Variants in ST6GALNAC3 observed in about 807,000 individuals in gnomAD.
ST6GALNAC3 encodes the protein alpha-N-acetylgalactosaminide alpha-2,6-sialyltransferase 3.
Under a neutral mutation model 32.7 loss-of-function variants are expected in ST6GALNAC3, and 25 were observed. The ratio of observed to expected loss-of-function variants is 0.76; its 90% CI spans 0.56 to 1.07. The LOEUF is 1.07. Ranked by LOEUF, ST6GALNAC3 falls within the 50% of genes least tolerant of loss-of-function variation. ST6GALNAC3 has a pLI of 0.00. For missense variants in ST6GALNAC3, 355 were observed against 382.4 expected (o/e 0.93, Z 0.60); for synonymous variants, 129 against 133.1 (o/e 0.97, Z 0.21).
At chr1:76,294,967 G>A (rs369851090) in intron 1 of ST6GALNAC3, among the ~76,000 whole-genome samples, 14 of 152,146 alleles carry the variant, frequency 9.2e-5, no homozygotes, top group African/African-American at 3.4e-4. Flanking sequence ...AGCTGAGCAG[G>A]GTAGAGCACT....
intron 1 of ST6GALNAC3, among the ~76,000 whole-genome samples, chr1:76,113,346 G>A (rs1361694939): frequency 7.0e-6 from 1 of 142,784 alleles, no homozygotes; most frequent in African/African-American, 2.8e-5. Context: ...GGGAGAGGGA[G>A]GGGGAGGGGG....
chr1:76,234,821 A>C, intron 1 of ST6GALNAC3, among the ~76,000 whole-genome samples: 1 of 152,202 alleles, frequency 6.6e-6, no homozygotes, highest in East Asian at 1.9e-4. Flanking sequence ...TTCCTCCCAA[A>C]GGGTCTATGG....
chr1:76,305,939 T>TAGTA (rs764198917), intron 1 of ST6GALNAC3: 9 of 517,714 alleles, frequency 1.7e-5, no homozygotes, highest in Non-Finnish European at 3.1e-5. Context: ...GTGTGTGAAT[T>TAGTA]AACTAAGTTG....
chr1:76,416,006 A>G (rs568870309), intron 3 of ST6GALNAC3, among the ~76,000 whole-genome samples: 30 of 150,538 alleles, frequency 2.0e-4, no homozygotes, highest in African/African-American at 7.3e-4. Context: ...AGAGATTTCA[A>G]TGTAATTATT....
At chr1:76,621,474 G>A (rs1339198099) in intron 3 of ST6GALNAC3, among the ~76,000 whole-genome samples, 1 of 152,062 alleles carries the variant, frequency 6.6e-6, no homozygotes, top group African/African-American at 2.4e-5. Flanking sequence ...GTTGCTGCCT[G>A]AAAATGTGCT....
intron 1 of ST6GALNAC3, among the ~76,000 whole-genome samples, chr1:76,212,633 C>T (rs1655233983): frequency 6.6e-6 from 1 of 152,116 alleles, no homozygotes; most frequent in Non-Finnish European, 1.5e-5. Context: ...ACTTCTACCA[C>T]ACAATATTGA....
At chr1:76,516,054 T>A (rs1344673652) in intron 3 of ST6GALNAC3, among the ~76,000 whole-genome samples, 1 of 152,210 alleles carries the variant, frequency 6.6e-6, no homozygotes, top group Non-Finnish European at 1.5e-5. Context: ...CCTTTAGAAC[T>A]AATAATACGT....
chr1:76,358,723 C>T (rs1427971934), intron 2 of ST6GALNAC3, among the ~76,000 whole-genome samples: 1 of 152,112 alleles, frequency 6.6e-6, no homozygotes, highest in Non-Finnish European at 1.5e-5. Flanking sequence ...TCTGTGCCAT[C>T]TCTAAACTCC....
intron 1 of ST6GALNAC3, among the ~76,000 whole-genome samples, chr1:76,087,110 TG>T (rs1158471486): frequency 6.6e-6 from 1 of 152,232 alleles, no homozygotes; most frequent in Non-Finnish European, 1.5e-5. Flanking sequence ...AATTCTGCCA[TG>T]CTGCTTAACC....
intron 3 of ST6GALNAC3, among the ~76,000 whole-genome samples, chr1:76,570,605 T>C (rs1242434786): frequency 5.9e-5 from 9 of 152,170 alleles, no homozygotes; most frequent in African/African-American, 2.4e-5. Flanking sequence ...TGATTCTTTA[T>C]ACTAACACAT....
chr1:76,167,635 TG>T (rs1652208596), intron 1 of ST6GALNAC3, among the ~76,000 whole-genome samples: 2 of 152,200 alleles, frequency 1.3e-5, no homozygotes, highest in South Asian at 4.1e-4. Flanking sequence ...TTTTATTGGT[TG>T]GTAGGCTATT....
chr1:76,162,971 G>A (rs886725484), intron 1 of ST6GALNAC3, among the ~76,000 whole-genome samples: 4 of 152,198 alleles, frequency 2.6e-5, no homozygotes, highest in Non-Finnish European at 4.4e-5. Context: ...GAGAGCATGC[G>A]CTCTGTTTTG....
At chr1:76,389,591 G>A (rs532205423) in intron 2 of ST6GALNAC3, among the ~76,000 whole-genome samples, 26 of 152,292 alleles carry the variant, frequency 1.7e-4, no homozygotes, top group Admixed American at 4.6e-4. Flanking sequence ...AAATCTGCAC[G>A]TTTAGTTTGA....
intron 2 of ST6GALNAC3, among the ~76,000 whole-genome samples, chr1:76,349,200 G>T (rs569112103): frequency 2.0e-5 from 3 of 152,078 alleles, no homozygotes; most frequent in Admixed American, 6.6e-5. Context: ...TGCTTGTTCA[G>T]CCTAGGTTCA....
chr1:76,238,688 T>A (rs1315175387), intron 1 of ST6GALNAC3, among the ~76,000 whole-genome samples: 1 of 152,034 alleles, frequency 6.6e-6, no homozygotes, highest in African/African-American at 2.4e-5. Flanking sequence ...GGGGCTTTTA[T>A]TAAAGCGAGG....
Position 76,509,111 on chromosome 1 carries a change from A to G in ST6GALNAC3, c.623+96694A>G, listed in dbSNP as rs559338533. On this transcript the variant is annotated intron_variant, in intron 3 of 4. Coordinates refer to ENST00000328299, the MANE Select transcript of ST6GALNAC3 (RefSeq NM_152996.4). This position sits in a 1 kb window ranked among gnomAD's most constrained non-coding sequence, Gnocchi z 5.5. The stretch of plus-strand genomic sequence containing the variant: ...TTATTTATTCTGGAAACACCAACAG[A>G]GTTGTTCGTCAATTGTTGATGTAGT... 6.6e-6 allele frequency among the ~76,000 whole-genome samples: 1 copy of G among 152,210 alleles called. No homozygotes were observed. Among genetic ancestry groups the G allele is most frequent in the Non-Finnish European group, 1.5e-5 (1 of 68,038 alleles).
rs72991865 is a variant in ST6GALNAC3, at chr1:76,588,789, T to C, written c.624-38663T>C. On this transcript the variant is annotated intron_variant, in intron 3 of 4. Coordinates refer to ENST00000328299, the MANE Select transcript of ST6GALNAC3 (RefSeq NM_152996.4). ...GGCTCCACTCCCAGTAGACATCCCT[T>C]TCCTTCATGGTCCCAGCTTCTGCCA... Among the ~76,000 whole-genome samples the C allele has an allele frequency of 6.8e-3, 1,037 of 152,302 alleles. 13 individuals are homozygous for C. Among genetic ancestry groups the C allele is most frequent in the African/African-American group, 0.022 (923 of 41,576 alleles).
At chr1:76,401,623 A>G (rs1435810448) in intron 2 of ST6GALNAC3, among the ~76,000 whole-genome samples, 1 of 151,942 alleles carries the variant, frequency 6.6e-6, no homozygotes, top group Admixed American at 6.6e-5. Context: ...CTAGGATGAT[A>G]TTATCTTCCT....
intron 1 of ST6GALNAC3, among the ~76,000 whole-genome samples, chr1:76,252,090 C>A (rs143603946): frequency 6.1e-4 from 93 of 152,128 alleles, no homozygotes; most frequent in Middle Eastern, 3.4e-3. Context: ...GGGAAAAAAA[C>A]CAGAAAAACC....
Sources: allele counts gnomAD v4.1 joint callset (sites outside exome capture counted in the v4.1 genomes callset), GRCh38; gene constraint gnomAD v4.1.1; non-coding constraint Gnocchi (gnomAD v3.1); transcripts MANE v1.5; gene names NCBI Gene and HGNC (gene_info 2026-07-23, HGNC 2026-07-21).